PLA2R1: variants seen among roughly 807,000 people sequenced by gnomAD.
PLA2R1 encodes the protein secretory phospholipase A2 receptor.
Under a neutral mutation model 195.9 loss-of-function variants are expected in PLA2R1, and 158 were observed. The observed-to-expected ratio is 0.81, with a 90% CI of 0.71 to 0.92. The LOEUF is 0.92. Ranked by LOEUF, PLA2R1 falls within the 40% of genes least tolerant of loss-of-function variation. The probability of loss-of-function intolerance (pLI) is 0.00; values close to 1 mark genes in which losing one functional copy is unlikely to be tolerated. For synonymous variants in PLA2R1, 586 were observed against 598.2 expected, an observed-to-expected ratio of 0.98 and a Z score of 0.30; for missense variants, 1,626 against 1,764.6, an observed-to-expected ratio of 0.92 and a Z score of 1.41.
intron 18 of PLA2R1, among the ~76,000 whole-genome samples, chr2:159,969,634 C>T (rs1003405237): frequency 3.3e-4 from 50 of 152,242 alleles, no homozygotes; most frequent in Middle Eastern, 3.4e-3. Context: ...CTCTGCCTCA[C>T]GGGTTCAAGT....
chr2:159,927,370 T>C (rs910965375), downstream of PLA2R1, among the ~76,000 whole-genome samples: 1 of 152,190 alleles, frequency 6.6e-6, no homozygotes, highest in Non-Finnish European at 1.5e-5. Flanking sequence ...TCACTAGCTT[T>C]TCATAAGAAT....
chr2:159,981,216 CGTGTGTGT>C (rs3061613), intron 13 of PLA2R1, among the ~76,000 whole-genome samples: 24 of 148,114 alleles, frequency 1.6e-4, no homozygotes, highest in Non-Finnish European at 2.7e-4. Flanking sequence ...TATGTGCATA[CGTGTGTGT>C]GTGTGTGTGT....
intron 20 of PLA2R1, among the ~76,000 whole-genome samples, chr2:159,957,037 A>C (rs918230911): frequency 2.0e-5 from 3 of 152,208 alleles, no homozygotes; most frequent in African/African-American, 7.2e-5. Flanking sequence ...TTTTATTTAC[A>C]AACACACTTC....
At chr2:160,015,409 G>C (rs1158191372) in intron 9 of PLA2R1, among the ~76,000 whole-genome samples, 1 of 152,098 alleles carries the variant, frequency 6.6e-6, no homozygotes, top group Non-Finnish European at 1.5e-5. Flanking sequence ...AAAATTACTG[G>C]AAATTTCCTC....
chr2:160,049,291 G>C (rs1044083696), intron 1 of PLA2R1, among the ~76,000 whole-genome samples: 2 of 152,116 alleles, frequency 1.3e-5, no homozygotes. Context: ...ACTCTTCTAA[G>C]GAGCGGGAGG....
rs3838586 is a variant in PLA2R1 at position 159,955,068 on chromosome 2, AAAG to A, written c.3301+128_3301+130del. 164 of 659,668 alleles carry A rather than the reference AAAG, an allele frequency of 2.5e-4. 2 individuals are homozygous for A. The East Asian group carries it at 4.1e-3, about 17-fold the overall frequency. 40.9% of individuals were successfully genotyped at this position (659,668 alleles called of 1,614,324 possible). On this transcript the variant is annotated intron_variant, in intron 23 of 29. Coordinates refer to ENST00000283243, the MANE Select transcript of PLA2R1 (RefSeq NM_007366.5). ...TAAATAACTAAACTTATGTAAAGCC[AAAG>A]AAGAAGTGCCTGACACTGTTAGCCA...
Position 159,983,932 on chromosome 2 carries a change from TAA to T in PLA2R1, c.2177_2178del (p.Phe726Ter), listed in dbSNP as rs1169712894. The T allele has an allele frequency of 6.4e-7, 1 of 1,550,450 alleles. No homozygotes were observed. Among genetic ancestry groups the T allele is most frequent in the South Asian group, 1.1e-5 (1 of 88,040 alleles). On this transcript the variant is annotated frameshift_variant, in exon 13 of 30. Coordinates refer to ENST00000283243, the MANE Select transcript of PLA2R1 (RefSeq NM_007366.5). LOFTEE classifies it high-confidence loss of function. ...TCATAATTAACAAGTATTTACCAAT[TAA>T]ATTTTGAATGTAAGAGCTCATTCAC... Reference protein sequence around the residue: ...NFVNELLHSKFNWTEERQFWI... With the variant: ...NFVNELLHSKXNWTEERQFWI...
Position 160,033,023 on chromosome 2 carries a change from T to C in PLA2R1, c.777A>G (p.Ser259=). 6.2e-7 allele frequency: 1 copy of C among 1,613,658 alleles called. No homozygotes were observed. Among genetic ancestry groups the C allele is most frequent in the South Asian group, 1.1e-5 (1 of 91,010 alleles). ...SSLSWSEAHS[S]CQMQGGTLLS... ...ACAGCGTACCTCCTTGCATCTGGCA[T>C]GAAGAATGTGCCTCACTCCAAGAGA... Residue 259 remains serine (S), a synonymous_variant, in exon 4 of 30, where the codon TCA becomes TCG. Coordinates refer to ENST00000283243, the MANE Select transcript of PLA2R1 (RefSeq NM_007366.5).
intron 9 of PLA2R1, among the ~76,000 whole-genome samples, chr2:160,013,901 T>C (rs907674941): frequency 6.6e-6 from 1 of 152,132 alleles, no homozygotes; most frequent in African/African-American, 2.4e-5. Context: ...TTTTCATCTA[T>C]ACGATGAGGA....
chr2:159,991,536 A>C (rs1288889478), intron 11 of PLA2R1, among the ~76,000 whole-genome samples: 2 of 150,572 alleles, frequency 1.3e-5, no homozygotes, highest in East Asian at 3.9e-4. Context: ...ATATGTATAC[A>C]TGTGCCATGC....
chr2:159,970,186 C>T lies in PLA2R1; in HGVS notation c.2622G>A (p.Trp874Ter). 1 of 1,610,000 alleles carries T rather than the reference C, an allele frequency of 6.2e-7. No homozygotes were observed. ...KALSKYGASWWIGLQEERAND... is the reference protein window; with the variant it reads ...KALSKYGASW ...TGGCTCTTTCTTCTTGAAGTCCAAT[C>T]CACCAACTTGCACCATACTTTGATA... Residue 874 changes from tryptophan (W) to a stop codon, truncating the protein, a stop_gained, in exon 18 of 30, where the codon TGG (tryptophan) becomes TGA (stop). Transcript: ENST00000283243. LOFTEE classifies it high-confidence loss of function.
At chr2:159,928,690 C>A (rs891151272), downstream of PLA2R1, among the ~76,000 whole-genome samples, 1 of 152,246 alleles carries the variant, frequency 6.6e-6, no homozygotes, top group South Asian at 2.1e-4. Context: ...AAAGAACCCA[C>A]ATAGCCAAAG....
In PLA2R1 at chr2:160,055,269, G is replaced by A. The variant is rs75964402; in HGVS notation, c.109+7026C>T. 8.1e-3 allele frequency among the ~76,000 whole-genome samples: 1,239 copies of A among 152,256 alleles called. 24 individuals carry two copies. The highest frequency in any genetic ancestry group is 0.028 in the African/African-American group (1,183 of 41,542). The stretch of plus-strand genomic sequence containing the variant: ...AAGTATGAAGGGGAAGAAATGCGAG[G>A]GATGACAAACAGAAATGGGAGAAAC... On this transcript the variant is annotated intron_variant, in intron 1 of 29. Coordinates refer to ENST00000283243, the MANE Select transcript of PLA2R1 (RefSeq NM_007366.5).
chr2:159,998,553 T>C (rs1691383917), intron 11 of PLA2R1, among the ~76,000 whole-genome samples: 1 of 152,120 alleles, frequency 6.6e-6, no homozygotes, highest in Non-Finnish European at 1.5e-5. Context: ...ATCCTAATAT[T>C]TTTCGATCCA....
chr2:160,053,940 T>C (rs903659481), intron 1 of PLA2R1, among the ~76,000 whole-genome samples: 13 of 152,226 alleles, frequency 8.5e-5, no homozygotes, highest in Non-Finnish European at 1.3e-4. Context: ...AAACCCTAAG[T>C]GGAAGGAAGG....
At chr2:159,959,125 T>C (rs1403548095) in intron 20 of PLA2R1, among the ~76,000 whole-genome samples, 1 of 152,256 alleles carries the variant, frequency 6.6e-6, no homozygotes, top group Non-Finnish European at 1.5e-5. Context: ...TATCCTTTTA[T>C]CTATTTCCTT....
At position 159,940,969 on chromosome 2, in the gene PLA2R1, CCAT is replaced by C. The variant is rs1405180148; in HGVS notation, c.*806_*808del. ...TTATATATTTAGTTTTTCAGAAAGT[CCAT>C]GAGTTTTAACAGTACAACTGTTAAA... On this transcript the variant is annotated 3_prime_UTR_variant, in exon 30 of 30. Transcript: ENST00000283243. 1 of 152,034 alleles carries C rather than the reference CCAT, an allele frequency of 6.6e-6. No homozygotes were observed. The highest frequency in any genetic ancestry group is 6.6e-5 in the Admixed American group (1 of 15,262). The allele number at this position is 152,034 out of a possible 1,614,324, so 9.4% of individuals were successfully genotyped here.
chr2:159,928,315 C>A (rs1453581321), downstream of PLA2R1, among the ~76,000 whole-genome samples: 1 of 152,188 alleles, frequency 6.6e-6, no homozygotes, highest in Non-Finnish European at 1.5e-5. Context: ...CTGCCCACAC[C>A]TATGCACCTC....
chr2:159,938,605 G>C lies in PLA2R1; in HGVS notation c.*3173C>G, dbSNP rs900275830. On this transcript the variant is annotated 3_prime_UTR_variant, in exon 30 of 30. Coordinates refer to ENST00000283243, the MANE Select transcript of PLA2R1 (RefSeq NM_007366.5). ...GAATGAGGCCAAATCAAAGAGAACAGACTACAGATTAAAGCAACTGCAGAC... is the reference window on the plus strand; with the variant it reads ...GAATGAGGCCAAATCAAAGAGAACACACTACAGATTAAAGCAACTGCAGAC... The C allele has an allele frequency of 2.6e-5, 4 of 152,392 alleles. No individual in the cohort carries two copies. Among genetic ancestry groups the C allele is most frequent in the African/African-American group, 4.8e-5 (2 of 41,442 alleles). 9.4% of individuals were successfully genotyped at this position (152,392 alleles called of 1,614,324 possible).
Sources: gnomAD v4.1 joint callset for allele counts (sites outside exome capture counted in the v4.1 genomes callset) on GRCh38, gnomAD v4.1.1 for gene constraint, MANE v1.5 for transcripts, NCBI Gene and HGNC (gene_info 2026-07-23, HGNC 2026-07-21) for gene names.